Variants in LATS2 observed in about 807,000 individuals in gnomAD.
LATS2 encodes serine/threonine-protein kinase LATS2.
LATS2 carries 24 observed loss-of-function variants against 76.0 expected under a neutral mutation model. That is an observed-to-expected ratio of 0.32 (90% CI 0.23 to 0.44). LATS2 has a LOEUF of 0.44. LATS2 is among the 20% of genes least tolerant of loss of function. The pLI is 1.00. For synonymous variants in LATS2, 692 were observed against 635.4 expected (o/e 1.09, Z -1.34); for missense variants, 1,286 against 1,481.2 (o/e 0.87, Z 2.16).
At position 20,983,772 on chromosome 13, in the gene LATS2, C is replaced by G. The variant is rs751775751; in HGVS notation, c.1934G>C (p.Arg645Pro). 1.2e-6 allele frequency: 2 copies of G among 1,613,164 alleles called. No individual in the cohort carries two copies. Among genetic ancestry groups the G allele is most frequent in the Non-Finnish European group, 1.7e-6 (2 of 1,179,850 alleles). Residue 645 changes from arginine (R) to proline (P), a missense_variant, in exon 5 of 8, where the codon CGG becomes CCG. Around this residue, in one of 5 missense-constraint regions of LATS2, gnomAD observed 247 missense variants for 385.4 expected, o/e 0.64. Transcript: ENST00000382592. The part of the protein sequence containing the change: ...GLCEAEQEQM[R>P]KILYQKESNY... ...AGACTCTTTCTGGTAGAGGATCTTC[C>G]GCATCTGCTCCTGCTCAGCTTCACA...
intron 2 of LATS2, among the ~76,000 whole-genome samples, chr13:21,027,986 T>C (rs1872375908): frequency 1.3e-5 from 2 of 152,108 alleles, no homozygotes; most frequent in Admixed American, 1.3e-4. Context: ...ATGTGCCGGT[T>C]AGTTACATAT....
intron 2 of LATS2, among the ~76,000 whole-genome samples, chr13:21,044,087 ACT>A (rs1280786959): frequency 1.3e-5 from 2 of 152,184 alleles, no homozygotes; most frequent in Non-Finnish European, 2.9e-5. Flanking sequence ...CTGCTGAAAC[ACT>A]CTGCACCACA....
At chr13:21,001,944 C>A (rs962652145) in intron 2 of LATS2, among the ~76,000 whole-genome samples, 2 of 151,296 alleles carry the variant, frequency 1.3e-5, no homozygotes, top group African/African-American at 2.4e-5. Context: ...GGCGGAGTCT[C>A]GCTCTGTCGC....
chr13:20,978,518 GAC>G (rs999673265), intron 7 of LATS2, among the ~76,000 whole-genome samples: 5 of 152,168 alleles, frequency 3.3e-5, no homozygotes, highest in African/African-American at 7.2e-5. Flanking sequence ...CCACATAGCT[GAC>G]AGTTTGCGAA....
chr13:20,992,952 T>G (rs1244937603), intron 2 of LATS2, among the ~76,000 whole-genome samples: 2 of 149,398 alleles, frequency 1.3e-5, no homozygotes, highest in African/African-American at 5.0e-5. Flanking sequence ...GGTGAATTGC[T>G]TGAAACCTGG....
At chr13:20,998,450 G>T (rs1472270917) in intron 2 of LATS2, among the ~76,000 whole-genome samples, 1 of 152,234 alleles carries the variant, frequency 6.6e-6, no homozygotes, top group African/African-American at 2.4e-5. Flanking sequence ...GCTGGCAGAG[G>T]AGGCTGCACT....
rs772106533 is a variant in LATS2, at chr13:20,975,248, C to A, written c.2889G>T (p.Gly963=). ...AGGGGTGGGCCTTCAGGTCATCGGC[C>A]CCATTCCGCCCCAGGCGGTGGTCTG... The part of the protein sequence containing the change: ...CSADHRLGRN[G]ADDLKAHPFF... Residue 963 remains glycine (G), a synonymous_variant, in exon 8 of 8, where the codon GGG becomes GGT. Transcript: ENST00000382592. 12 of 1,614,204 alleles carry A rather than the reference C, an allele frequency of 7.4e-6. No homozygotes were observed. Among genetic ancestry groups the A allele is most frequent in the Non-Finnish European group, 1.0e-5 (12 of 1,180,026 alleles).
intron 2 of LATS2, among the ~76,000 whole-genome samples, chr13:21,039,178 A>G (rs1265997325): frequency 6.6e-6 from 1 of 152,192 alleles, no homozygotes; most frequent in Non-Finnish European, 1.5e-5. Context: ...GAACTGCTAC[A>G]CCCAAAAGCC....
At chr13:21,059,689 G>C (rs1380620202) in intron 1 of LATS2, among the ~76,000 whole-genome samples, 1 of 152,200 alleles carries the variant, frequency 6.6e-6, no homozygotes, top group Non-Finnish European at 1.5e-5. Flanking sequence ...TGTCAGGTGG[G>C]GCGCGGTGGC....
At chr13:21,051,542 T>C (rs976664636) in intron 1 of LATS2, among the ~76,000 whole-genome samples, 3 of 152,082 alleles carry the variant, frequency 2.0e-5, no homozygotes, top group African/African-American at 7.2e-5. Context: ...GTTTCTGGTT[T>C]GAAAAATGGG....
chr13:21,007,619 ATAGTGTATAT>A (rs1871353424), intron 2 of LATS2, among the ~76,000 whole-genome samples: 3 of 1,114 alleles, frequency 2.7e-3, no homozygotes, highest in African/African-American at 7.4e-3. Flanking sequence ...ATATATATAT[ATAGTGTATAT>A]ATATATATAT....
At chr13:20,998,468 G>A (rs375566927) in intron 2 of LATS2, among the ~76,000 whole-genome samples, 245 of 152,346 alleles carry the variant, frequency 1.6e-3, no homozygotes, top group African/African-American at 5.6e-3. Context: ...ACTGTCTCTG[G>A]CGGGATCCTG....
In LATS2 at chr13:20,973,290, A is replaced by T. The variant is rs905540679; in HGVS notation, c.*1580T>A. 8.6e-6 allele frequency: 2 copies of T among 231,462 alleles called. No individual in the cohort carries two copies. The highest frequency in any genetic ancestry group is 4.4e-5 in the African/African-American group (2 of 45,254). The allele number at this position is 231,462 out of a possible 1,614,324, so 14.3% of individuals were successfully genotyped here. On this transcript the variant is annotated 3_prime_UTR_variant, in exon 8 of 8. Coordinates refer to ENST00000382592, the MANE Select transcript of LATS2 (RefSeq NM_014572.3). ...AGTACACAGGAATCTTTATTTTTTT[A>T]GTTTAAACACTGATAAACTTCTAAG...
intron 2 of LATS2, chr13:21,005,727 C>G (rs1871236743): frequency 6.7e-6 from 1 of 150,142 alleles, no homozygotes; most frequent in Non-Finnish European, 1.5e-5. Context: ...ACACATGAGG[C>G]CAGGAGTTGG....
At position 20,988,340 on chromosome 13, in the gene LATS2, AGCCGGGGCGGGG is replaced by A. The variant is rs1870280495; in HGVS notation, c.1428_1439del (p.Pro477_Ala480del). 1.1e-6 allele frequency: 1 copy of A among 907,578 alleles called. No homozygotes were observed. The highest frequency in any genetic ancestry group is 1.8e-5 in the African/African-American group (1 of 55,358). The allele number at this position is 907,578 out of a possible 1,614,324, so 56.2% of individuals were successfully genotyped here. A position where few individuals can be genotyped will look rare whatever the true frequency, so the allele number is the denominator to read the frequency against. On this transcript the variant is annotated inframe_deletion, in exon 4 of 8. Coordinates refer to ENST00000382592, the MANE Select transcript of LATS2 (RefSeq NM_014572.3). ...CCTCCTTGGCGTCCAAGCCCTCCGC[AGCCGGGGCGGGG>A]GCGGGGGCGGGGGCCGGGGCAGGCG...
Position 20,983,679 on chromosome 13 carries a change from A to T in LATS2, c.2027T>A (p.Ile676Asn), listed in dbSNP as rs1870010739. ...AAGGCACACTTCTCCAAAGGCACCG[A>T]TCCCCAGGGTTTTGATCTTGACAAA... ...SMFVKIKTLG[I>N]GAFGEVCLAC... Residue 676 changes from isoleucine to asparagine, a missense_variant, in exon 5 of 8, where the codon ATC becomes AAC. This residue lies in a region of LATS2 where 247 missense variants were observed against 385.4 expected (regional missense o/e 0.64). Coordinates refer to ENST00000382592, the MANE Select transcript of LATS2 (RefSeq NM_014572.3). 1 of 1,614,154 alleles carries T rather than the reference A, an allele frequency of 6.2e-7. No individual in the cohort carries two copies. The highest frequency in any genetic ancestry group is 1.3e-5 in the African/African-American group (1 of 75,028).
intron 2 of LATS2, among the ~76,000 whole-genome samples, chr13:21,027,495 T>C (rs1421173540): frequency 6.6e-6 from 1 of 152,210 alleles, no homozygotes; most frequent in Non-Finnish European, 1.5e-5. Flanking sequence ...CTTTTCCTCA[T>C]TGAATTTTCA....
chr13:21,057,939 A>G (rs1438161040), intron 1 of LATS2, among the ~76,000 whole-genome samples: 2 of 152,244 alleles, frequency 1.3e-5, no homozygotes, highest in Non-Finnish European at 2.9e-5. Flanking sequence ...AGGGCACTCT[A>G]TGTAATAAAG....
chr13:21,048,111 G>A (rs1016580401), intron 1 of LATS2, among the ~76,000 whole-genome samples: 1 of 152,208 alleles, frequency 6.6e-6, no homozygotes, highest in African/African-American at 2.4e-5. Flanking sequence ...CTTAATTGGT[G>A]TAAAATGGGG....
Sources: allele counts gnomAD v4.1 joint callset (sites outside exome capture counted in the v4.1 genomes callset), GRCh38; gene constraint gnomAD v4.1.1; regional missense constraint gnomAD v4.1.1; transcripts MANE v1.5; gene names NCBI Gene and HGNC (gene_info 2026-07-23, HGNC 2026-07-21).